ELMO1: variants seen among roughly 807,000 people sequenced by gnomAD.
The protein encoded by ELMO1 is engulfment and cell motility protein 1.
Under a neutral mutation model 98.9 loss-of-function variants are expected in ELMO1, and 26 were observed. The observed-to-expected ratio is 0.26, with a 90% confidence interval of 0.19 to 0.36. ELMO1 has a LOEUF of 0.36. Ranked by LOEUF, ELMO1 falls within the 10% of genes least tolerant of loss-of-function variation. The pLI is 1.00. For missense variants in ELMO1, 627 were observed against 935.2 expected (o/e 0.67, Z 4.30); for synonymous variants, 346 against 346.0 (o/e 1.00, Z 0.00).
chr7:36,881,252 G>C (rs1011386418), intron 18 of ELMO1, among the ~76,000 whole-genome samples: 4 of 152,196 alleles, frequency 2.6e-5, no homozygotes, highest in African/African-American at 9.6e-5. Context: ...GGAAGGCTTA[G>C]ACGTTGTGTA....
intron 1 of ELMO1, among the ~76,000 whole-genome samples, chr7:37,444,959 C>T (rs11772971): frequency 0.17 from 26,087 of 152,214 alleles, 2,801 homozygotes; most frequent in South Asian, 0.38. Flanking sequence ...CCCTCTAGAA[C>T]GTCGTCATCA....
intron 13 of ELMO1, among the ~76,000 whole-genome samples, chr7:37,150,469 T>C (rs577175592): frequency 2.0e-5 from 3 of 151,884 alleles, no homozygotes; most frequent in South Asian, 2.1e-4. Flanking sequence ...AACTACATGA[T>C]GGAAAATCGA....
chr7:37,263,788 G>C (rs563656484), intron 5 of ELMO1, among the ~76,000 whole-genome samples: 47 of 152,308 alleles, frequency 3.1e-4, no homozygotes, highest in African/African-American at 1.1e-3. Context: ...TGCAGGCCAG[G>C]GGGTGTGGAG....
At chr7:37,284,614 T>C (rs1424804090) in intron 4 of ELMO1, among the ~76,000 whole-genome samples, 1 of 152,200 alleles carries the variant, frequency 6.6e-6, no homozygotes, top group Non-Finnish European at 1.5e-5. Context: ...CAAGGCTATA[T>C]GCCTTTGCTC....
chr7:37,397,478 T>C (rs1052790808), intron 1 of ELMO1, among the ~76,000 whole-genome samples: 7 of 152,232 alleles, frequency 4.6e-5, no homozygotes, highest in Non-Finnish European at 8.8e-5. Flanking sequence ...AAAGGCGTTA[T>C]GGACAGCATG....
intron 1 of ELMO1, among the ~76,000 whole-genome samples, chr7:37,432,838 C>T (rs1025094067): frequency 2.0e-5 from 3 of 152,216 alleles, no homozygotes; most frequent in African/African-American, 7.2e-5. Flanking sequence ...TATGTTCTTT[C>T]CAGTTATGGT....
chr7:37,431,900 A>G (rs1804947112), intron 1 of ELMO1, among the ~76,000 whole-genome samples: 1 of 152,048 alleles, frequency 6.6e-6, no homozygotes, highest in Admixed American at 6.6e-5. Flanking sequence ...TTGTTTTTTG[A>G]CATGGAGTTT....
intron 18 of ELMO1, among the ~76,000 whole-genome samples, chr7:36,884,031 A>G (rs888980064): frequency 1.3e-5 from 2 of 152,120 alleles, no homozygotes; most frequent in African/African-American, 4.8e-5. Context: ...GCTTAGAAAT[A>G]TACATTCTGG....
intron 7 of ELMO1, among the ~76,000 whole-genome samples, chr7:37,242,368 A>C (rs1457923568): frequency 1.3e-5 from 2 of 152,136 alleles, no homozygotes; most frequent in Admixed American, 1.3e-4. Flanking sequence ...ACTTTTCTTT[A>C]GTTTTTAACA....
intron 1 of ELMO1, among the ~76,000 whole-genome samples, chr7:37,373,493 C>CAGCT (rs1490293529): frequency 6.6e-6 from 1 of 151,802 alleles, no homozygotes; most frequent in Non-Finnish European, 1.5e-5. Context: ...CCTGTAATCC[C>CAGCT]AGCTACTCAG....
chr7:37,403,470 A>G (rs1032613896), intron 1 of ELMO1, among the ~76,000 whole-genome samples: 1 of 152,160 alleles, frequency 6.6e-6, no homozygotes, highest in African/African-American at 2.4e-5. Context: ...AGCATCGTGG[A>G]TTTTTAAGGC....
In ELMO1 at chr7:36,855,738, G is replaced by A. The variant is rs767784847; in HGVS notation, c.1997C>T (p.Thr666Met). The A allele has an allele frequency of 3.5e-5, 57 of 1,613,926 alleles. No individual in the cohort carries two copies. Among genetic ancestry groups the A allele is most frequent in the South Asian group, 2.9e-4 (26 of 91,076 alleles). ...CCCGAGTAGCGCATTCAGTCCATCC[G>A]TCCAGATACAGTACTGGCAGGAAGG... ...APDKHEYCIW[T>M]DGLNALLGKD... The change falls in exon 22 of 22, where the codon ACG (threonine) becomes ATG (methionine). Residue 666 changes from threonine to methionine, a missense_variant. Around this residue, in one of 3 missense-constraint regions of ELMO1, gnomAD observed 492 missense variants for 715.6 expected, o/e 0.69. Transcript: ENST00000310758. The surrounding 1 kb of genome is among the most constrained non-coding windows in gnomAD (Gnocchi z 4.2).
intron 1 of ELMO1, among the ~76,000 whole-genome samples, chr7:37,348,502 T>C (rs1801113933): frequency 6.6e-6 from 1 of 152,140 alleles, no homozygotes; most frequent in Non-Finnish European, 1.5e-5. Context: ...TAAGATTCTA[T>C]CACCTCGATA....
intron 18 of ELMO1, among the ~76,000 whole-genome samples, chr7:36,879,217 T>C (rs2129045644): frequency 6.6e-6 from 1 of 152,364 alleles, no homozygotes; most frequent in South Asian, 2.1e-4. Flanking sequence ...ACTGTCTTCA[T>C]AATTGCAACA....
intron 15 of ELMO1, among the ~76,000 whole-genome samples, chr7:37,021,833 T>G (rs1376125856): frequency 6.6e-6 from 1 of 152,176 alleles, no homozygotes; most frequent in African/African-American, 2.4e-5. Flanking sequence ...TGTACCTAGC[T>G]AAAATGCCAA....
At chr7:37,080,594 C>T (rs563269580) in intron 15 of ELMO1, among the ~76,000 whole-genome samples, 60 of 147,682 alleles carry the variant, frequency 4.1e-4, no homozygotes, top group African/African-American at 1.3e-3. Context: ...CCTGCCACCA[C>T]GCCTAATTTT....
intron 2 of ELMO1, among the ~76,000 whole-genome samples, chr7:37,338,977 C>G (rs1800577440): frequency 6.6e-6 from 1 of 152,154 alleles, no homozygotes; most frequent in Non-Finnish European, 1.5e-5. Flanking sequence ...CTGAAAACTC[C>G]AGGCACTGAT....
intron 1 of ELMO1, among the ~76,000 whole-genome samples, chr7:37,370,282 T>TGG (rs764597212): frequency 6.6e-6 from 1 of 152,210 alleles, no homozygotes; most frequent in Admixed American, 6.5e-5. Context: ...TACAAACCAC[T>TGG]GGTGTGTTTT....
chr7:37,302,523 G>A (rs1798401597), intron 4 of ELMO1, among the ~76,000 whole-genome samples: 1 of 152,020 alleles, frequency 6.6e-6, no homozygotes, highest in Non-Finnish European at 1.5e-5. Context: ...GACATATGTA[G>A]GGCACTCAAG....
Sources: allele counts gnomAD v4.1 joint callset (sites outside exome capture counted in the v4.1 genomes callset), GRCh38; gene constraint gnomAD v4.1.1; regional missense constraint gnomAD v4.1.1; non-coding constraint Gnocchi (gnomAD v3.1); transcripts MANE v1.5; gene names NCBI Gene and HGNC (gene_info 2026-07-23, HGNC 2026-07-21).